The following DLGAP1 variants were observed in gnomAD, a reference collection of about 807,000 sequenced individuals.
The protein encoded by DLGAP1 is DLG associated protein 1, also known as disks large-associated protein 1.
Under a neutral mutation model 90.8 loss-of-function variants are expected in DLGAP1, and 11 were observed. The observed-to-expected ratio is 0.12, with a 90% CI of 0.08 to 0.20. DLGAP1 has a LOEUF of 0.20. Ranked by LOEUF, DLGAP1 falls within the 10% of genes least tolerant of loss-of-function variation. The probability of loss-of-function intolerance (pLI) is 1.00; values close to 1 mark genes in which losing one functional copy is unlikely to be tolerated. For missense variants in DLGAP1, 1,050 were observed against 1,333.8 expected (o/e 0.79, Z 3.31); for synonymous variants, 558 against 540.7 (o/e 1.03, Z -0.44).
At chr18:3,947,356 C>G (rs2072897146) in intron 3 of DLGAP1, among the ~76,000 whole-genome samples, 1 of 152,202 alleles carries the variant, frequency 6.6e-6, no homozygotes, top group East Asian at 1.9e-4. Flanking sequence ...TGTTCTCAGC[C>G]CTTGTCTGGC....
At chr18:4,223,200 T>C (rs1347114093) in intron 1 of DLGAP1, among the ~76,000 whole-genome samples, 2 of 152,190 alleles carry the variant, frequency 1.3e-5, no homozygotes, top group Non-Finnish European at 2.9e-5. Context: ...TTTATAAATA[T>C]TGCTGACCTT....
intron 1 of DLGAP1, among the ~76,000 whole-genome samples, chr18:4,225,180 G>A (rs1030047955): frequency 1.3e-5 from 2 of 152,070 alleles, no homozygotes; most frequent in Non-Finnish European, 1.5e-5. Context: ...CCATTTCAGC[G>A]GTCAGATCTT....
chr18:3,756,693 A>G (rs1598610977), intron 5 of DLGAP1, among the ~76,000 whole-genome samples: 2 of 152,080 alleles, frequency 1.3e-5, no homozygotes, highest in Non-Finnish European at 2.9e-5. Context: ...GGCTCTTTAA[A>G]AAAATCAATA....
intron 4 of DLGAP1, among the ~76,000 whole-genome samples, chr18:3,872,225 C>CAAAAAAAAAAAAAA (rs5822772): frequency 9.2e-5 from 8 of 87,098 alleles, no homozygotes; most frequent in Non-Finnish European, 1.4e-4. Flanking sequence ...CTCTCCAAGA[C>CAAAAAAAAAAAAAA]AAAAAAAAAA....
chr18:3,729,506 T>C lies in DLGAP1; in HGVS notation c.1351-131A>G. 3.1e-6 allele frequency: 4 copies of C among 1,270,638 alleles called. No individual in the cohort carries two copies. The highest frequency in any genetic ancestry group is 4.3e-6 in the Non-Finnish European group (4 of 932,528). 78.7% of individuals were successfully genotyped at this position (1,270,638 alleles called of 1,614,324 possible). On this transcript the variant is annotated intron_variant, in intron 6 of 12. Coordinates refer to ENST00000315677, the MANE Select transcript of DLGAP1 (RefSeq NM_004746.4). The surrounding 1 kb of genome is among the most constrained non-coding windows in gnomAD (Gnocchi z 6.2). ...TTAGATTAAGCTCAAATGCATTTTA[T>C]TTCCTTTCTGTTACAGGCTATAATT... is the stretch of plus-strand genomic sequence containing the variant.
intron 9 of DLGAP1, among the ~76,000 whole-genome samples, chr18:3,564,056 C>T (rs1172089432): frequency 1.3e-5 from 2 of 152,114 alleles, no homozygotes; most frequent in Non-Finnish European, 2.9e-5. Context: ...ACATTCCTGC[C>T]ATATTTGACT....
chr18:4,445,936 G>A (rs2083653336), intron 1 of DLGAP1, among the ~76,000 whole-genome samples: 1 of 151,970 alleles, frequency 6.6e-6, no homozygotes, highest in Non-Finnish European at 1.5e-5. Context: ...TGGTAAAACA[G>A]TCAACTAGAT....
chr18:3,644,654 C>A (rs2059056498), intron 7 of DLGAP1, among the ~76,000 whole-genome samples: 1 of 152,124 alleles, frequency 6.6e-6, no homozygotes, highest in African/African-American at 2.4e-5. Flanking sequence ...CTCAGATGAT[C>A]CACCCGCCTC....
intron 2 of DLGAP1, among the ~76,000 whole-genome samples, chr18:4,048,118 TAGA>T (rs2075082439): frequency 6.6e-6 from 1 of 152,316 alleles, no homozygotes; most frequent in South Asian, 2.1e-4. Flanking sequence ...CTTTTTGAAT[TAGA>T]AGGAGACTGT....
chr18:3,829,809 G>GC (rs965145542), intron 4 of DLGAP1, among the ~76,000 whole-genome samples: 4 of 152,084 alleles, frequency 2.6e-5, no homozygotes, highest in Non-Finnish European at 5.9e-5. Context: ...TTACTTTACT[G>GC]CAACACCTAG....
At chr18:4,444,481 A>G (rs2144856649) in intron 1 of DLGAP1, among the ~76,000 whole-genome samples, 1 of 152,316 alleles carries the variant, frequency 6.6e-6, no homozygotes, top group East Asian at 1.9e-4. Flanking sequence ...GGAACAGCAC[A>G]TACAGCCTAC....
intron 4 of DLGAP1, among the ~76,000 whole-genome samples, chr18:3,857,631 A>G (rs28687805): frequency 0.13 from 19,671 of 151,366 alleles, 1,326 homozygotes; most frequent in Admixed American, 0.15. Flanking sequence ...GTCTCCCTTT[A>G]CTCCCACACT....
chr18:3,789,837 A>G (rs1568137554), intron 5 of DLGAP1, among the ~76,000 whole-genome samples: 1 of 152,250 alleles, frequency 6.6e-6, no homozygotes, highest in Non-Finnish European at 1.5e-5. Context: ...GATATGAAAC[A>G]ACAATAAAAA....
At chr18:3,699,109 G>C (rs554191855) in intron 7 of DLGAP1, among the ~76,000 whole-genome samples, 10 of 152,142 alleles carry the variant, frequency 6.6e-5, no homozygotes, top group African/African-American at 2.4e-4. Context: ...GCTCGGAGGA[G>C]TTTGTTATTA....
At chr18:3,991,671 T>A (rs1470224) in intron 3 of DLGAP1, among the ~76,000 whole-genome samples, 31 of 152,258 alleles carry the variant, frequency 2.0e-4, no homozygotes, top group African/African-American at 7.0e-4. Context: ...GCTGAGACAG[T>A]GGAAAATACA....
intron 3 of DLGAP1, among the ~76,000 whole-genome samples, chr18:3,960,376 G>C (rs956200598): frequency 6.6e-6 from 1 of 151,966 alleles, no homozygotes; most frequent in Non-Finnish European, 1.5e-5. Context: ...ACTTTATAGA[G>C]TGCCTCTCCT....
Position 4,454,018 on chromosome 18 carries a change from C to A in DLGAP1, c.-267+988G>T, listed in dbSNP as rs1193225713. On this transcript the variant is annotated intron_variant, in intron 1 of 12. Transcript: ENST00000315677. This position sits in a 1 kb window ranked among gnomAD's most constrained non-coding sequence, Gnocchi z 4.7. ...GGCAAGCCCTGCAGCCGGGGGCGAG[C>A]GCGGCACTCGGACACAGGCACTCAG... Among the ~76,000 whole-genome samples the A allele has an allele frequency of 1.3e-5, 2 of 152,174 alleles. No individual in the cohort carries two copies. Among genetic ancestry groups the A allele is most frequent in the Admixed American group, 6.5e-5 (1 of 15,292 alleles).
At chr18:4,323,968 G>C (rs1475037762) in intron 1 of DLGAP1, among the ~76,000 whole-genome samples, 2 of 151,924 alleles carry the variant, frequency 1.3e-5, no homozygotes, top group African/African-American at 4.8e-5. Flanking sequence ...AAGAACTAGA[G>C]AAGCAAGAGC....
At chr18:3,972,101 G>T (rs955803461) in intron 3 of DLGAP1, among the ~76,000 whole-genome samples, 2 of 152,070 alleles carry the variant, frequency 1.3e-5, no homozygotes, top group African/African-American at 4.8e-5. Flanking sequence ...TATAACTAAA[G>T]AAGTGTTTTC....
Sources: allele counts gnomAD v4.1 joint callset (sites outside exome capture counted in the v4.1 genomes callset), GRCh38; gene constraint gnomAD v4.1.1; non-coding constraint Gnocchi (gnomAD v3.1); transcripts MANE v1.5; gene names NCBI Gene and HGNC (gene_info 2026-07-23, HGNC 2026-07-21).